The following SLC7A9 variants were observed in gnomAD, a reference collection of about 807,000 sequenced individuals.
The protein encoded by SLC7A9 is B(0,+)-type amino acid transporter 1.
A neutral mutation model predicts 54.1 loss-of-function variants in SLC7A9; 38 were observed. The ratio of observed to expected loss-of-function variants is 0.70; its 90% CI spans 0.54 to 0.92. SLC7A9 has a LOEUF of 0.92. Among genes scored for constraint, SLC7A9 ranks in the 40% least tolerant of loss-of-function variants. The pLI, the probability that SLC7A9 is intolerant of heterozygous loss-of-function variation, is 0.00. For missense variants in SLC7A9, 537 were observed against 636.1 expected (o/e 0.84, Z 1.68); for synonymous variants, 264 against 258.9 (o/e 1.02, Z -0.19).
rs201997405 is a variant in SLC7A9, at chr19:32,855,697, G to A, written c.977+2743C>T. Among the ~76,000 whole-genome samples the A allele has an allele frequency of 1.3e-4, 20 of 148,832 alleles. No individual in the cohort carries two copies. The East Asian group carries it at 2.8e-3, about 21-fold the overall frequency. ...AGCCTGGGTGACAGAGCAAGACTCC[G>A]TCTCAAAAAAAAAAATAGAAAAATG... On this transcript the variant is annotated intron_variant, in intron 9 of 12. Coordinates refer to ENST00000023064, the MANE Select transcript of SLC7A9 (RefSeq NM_014270.5).
chr19:32,856,343 C>T (rs190923035), intron 9 of SLC7A9, among the ~76,000 whole-genome samples: 141 of 151,948 alleles, frequency 9.3e-4, no homozygotes, highest in Admixed American at 2.4e-3. Flanking sequence ...TACAGGCGCC[C>T]GCCACCACGC....
intron 9 of SLC7A9, among the ~76,000 whole-genome samples, chr19:32,844,764 G>C (rs1483786302): frequency 1.3e-5 from 2 of 148,390 alleles, no homozygotes; most frequent in Admixed American, 1.4e-4. Context: ...CTGGGAGGCA[G>C]AGGTTGCGGT....
rs1968732003 is a variant in SLC7A9 at position 32,859,568 on chromosome 19, A to AT, written c.873+272_873+273insA. Among the ~76,000 whole-genome samples, 3 of 152,140 alleles carry AT rather than the reference A, an allele frequency of 2.0e-5. No individual in the cohort carries two copies. In the South Asian group the frequency reaches 6.2e-4, roughly 32 times the overall value. On this transcript the variant is annotated intron_variant, in intron 8 of 12. Coordinates refer to ENST00000023064, the MANE Select transcript of SLC7A9 (RefSeq NM_014270.5). ...AAAAGTAATTGCCAGTTTTGCCAAA[A>AT]ATATATATATTTTTTAATATATAAT...
At chr19:32,853,935 A>C (rs1938740318) in intron 9 of SLC7A9, among the ~76,000 whole-genome samples, 2 of 140,282 alleles carry the variant, frequency 1.4e-5, no homozygotes, top group Admixed American at 7.1e-5. Context: ...AAAAAAAAAA[A>C]CACCAACAAA....
intron 10 of SLC7A9, 90 bp downstream of exon 10, chr19:32,843,765 T>C: frequency 1.1e-6 from 1 of 877,064 alleles, no homozygotes; most frequent in South Asian, 1.4e-5. Flanking sequence ...AATAAGGGCA[T>C]CTGGGTCATT....
chr19:32,844,880 A>AAAAAAAAAAAAC (rs1968239348), intron 9 of SLC7A9, among the ~76,000 whole-genome samples: 1 of 148,552 alleles, frequency 6.7e-6, no homozygotes, highest in Admixed American at 6.7e-5. Context: ...AAAAAAAAAA[A>AAAAAAAAAAAAC]AAAGCCAGAT....
intron 8 of SLC7A9, among the ~76,000 whole-genome samples, chr19:32,859,435 C>A (rs528971307): frequency 6.6e-6 from 1 of 152,236 alleles, no homozygotes; most frequent in African/African-American, 2.4e-5. Flanking sequence ...AAATCCCCAA[C>A]ACGTGGTTGT....
chr19:32,854,143 G>T (rs377163875), intron 9 of SLC7A9, among the ~76,000 whole-genome samples: 93 of 152,002 alleles, frequency 6.1e-4, no homozygotes, highest in African/African-American at 2.2e-3. Context: ...CTCCTGAGTA[G>T]CTGGGACCAC....
chr19:32,849,448 C>T (rs1462557172), intron 9 of SLC7A9, among the ~76,000 whole-genome samples: 2 of 152,006 alleles, frequency 1.3e-5, no homozygotes, highest in African/African-American at 4.8e-5. Flanking sequence ...GGATAAATTC[C>T]TGGACACATA....
intron 9 of SLC7A9, among the ~76,000 whole-genome samples, chr19:32,846,636 T>TA (rs1454754721): frequency 6.6e-6 from 1 of 152,148 alleles, no homozygotes; most frequent in Non-Finnish European, 1.5e-5. Flanking sequence ...TCTGCAGACT[T>TA]AAATGTCCCT....
In SLC7A9 at chr19:32,868,451, C is replaced by A. The variant is rs769969466; in HGVS notation, c.84G>T (p.Lys28Asn). 1.2e-6 allele frequency: 2 copies of A among 1,613,838 alleles called. No individual in the cohort carries two copies. The change falls in exon 2 of 13, where the codon AAG (lysine) becomes AAT (asparagine). Residue 28 changes from lysine (K) to asparagine (N), a missense_variant. By Grantham distance (94) the Lys-to-Asn change is moderately conservative (BLOSUM62 0). Coordinates refer to ENST00000023064, the MANE Select transcript of SLC7A9 (RefSeq NM_014270.5). ...GCCCCACCAGAGACCGCCTTACCTC[C>A]TTTTGGAGACTGGTGGTCTTAGGCT... Reference protein sequence around the residue: ...SQEPKTTSLQKELGLISGISI... With the variant: ...SQEPKTTSLQNELGLISGISI...
At chr19:32,836,563 T>A (rs1296786119) in intron 11 of SLC7A9, among the ~76,000 whole-genome samples, 1 of 152,182 alleles carries the variant, frequency 6.6e-6, no homozygotes, top group African/African-American at 2.4e-5. Context: ...AGGTCCCATT[T>A]GCAACTGAAA....
intron 9 of SLC7A9, among the ~76,000 whole-genome samples, chr19:32,854,731 G>T (rs1968568196): frequency 6.6e-6 from 1 of 152,104 alleles, no homozygotes; most frequent in Non-Finnish European, 1.5e-5. Context: ...GGAATTACAG[G>T]CATCTGCCAC....
chr19:32,868,712 G>A (rs995169313), intron 1 of SLC7A9, 67 bp from the exon 2 acceptor site: 36 of 672,864 alleles, frequency 5.4e-5, no homozygotes, highest in Middle Eastern at 2.4e-4. Flanking sequence ...GGGCTCATGC[G>A]CTGGGCCCCA....
chr19:32,853,419 G>A (rs1968526830), intron 9 of SLC7A9, among the ~76,000 whole-genome samples: 1 of 152,082 alleles, frequency 6.6e-6, no homozygotes, highest in South Asian at 2.1e-4. Context: ...AATTACAAAG[G>A]GTGAGTTTTA....
rs751935027 is a variant in SLC7A9 at position 32,858,530 on chromosome 19, C to T, written c.887G>A (p.Arg296His). Residue 296 changes from arginine (R) to histidine (H), a missense_variant, in exon 9 of 13, where the codon CGT becomes CAT. Arg to His is a conservative substitution (Grantham distance 29). Transcript: ENST00000023064. ...GATCCAAGAAGCAGGATAGAGAACA[C>T]GGTCACCAAATGTCTGGTGAGAGAA... ...SQAVAVTFGD[R>H]VLYPASWIVP... 1.6e-5 allele frequency: 25 copies of T among 1,611,890 alleles called. No individual in the cohort carries two copies. The highest frequency in any genetic ancestry group is 5.3e-5 in the African/African-American group (4 of 74,874).
Position 32,844,857 on chromosome 19 carries a change from C to CAAAAAAAAAAAAAAAA in SLC7A9, c.978-922_978-907dup, listed in dbSNP as rs386388892. On this transcript the variant is annotated intron_variant, in intron 9 of 12. Coordinates refer to ENST00000023064, the MANE Select transcript of SLC7A9 (RefSeq NM_014270.5). Reference sequence around the variant, plus strand: ...TGGACGACAGAGTGAGAATCCATCTCAAAAAAAAAAAAAAAAAAAAAAAAA... The same window carrying CAAAAAAAAAAAAAAAA: ...TGGACGACAGAGTGAGAATCCATCTCAAAAAAAAAAAAAAAAAAAAAAAAAAAAAAAAAAAAAAAAA... 4.0e-4 allele frequency among the ~76,000 whole-genome samples: 12 copies of CAAAAAAAAAAAAAAAA among 30,314 alleles called. 4 individuals carry two copies. Among genetic ancestry groups the CAAAAAAAAAAAAAAAA allele is most frequent in the Admixed American group, 7.0e-4 (1 of 1,420 alleles). The allele number at this position is 30,314 out of a possible 152,430, so 19.9% of individuals were successfully genotyped here. A position where few individuals can be genotyped will look rare whatever the true frequency, so the allele number is the denominator to read the frequency against.
chr19:32,860,657 A>G lies in SLC7A9; in HGVS notation c.705-7T>C, dbSNP rs1968774151. 1.9e-6 allele frequency: 3 copies of G among 1,614,152 alleles called. No homozygotes were observed. In the East Asian group the frequency reaches 6.7e-5, roughly 36 times the overall value. On this transcript the variant is annotated splice_region_variant and splice_polypyrimidine_tract_variant and intron_variant, in intron 6 of 12. Coordinates refer to ENST00000023064, the MANE Select transcript of SLC7A9 (RefSeq NM_014270.5). ...GATGTAATTGAGTTGATTCCTGGAAAAAGGAAAGTAACAAGCGTCACACAC... is the reference window on the plus strand; with the variant it reads ...GATGTAATTGAGTTGATTCCTGGAAGAAGGAAAGTAACAAGCGTCACACAC...
At chr19:32,861,721 G>A (rs1014774311) in intron 6 of SLC7A9, among the ~76,000 whole-genome samples, 27 of 151,986 alleles carry the variant, frequency 1.8e-4, no homozygotes, top group African/African-American at 6.3e-4. Flanking sequence ...AGGCTGAGGC[G>A]GGAAGCTGAC....
Sources: gnomAD v4.1 joint callset for allele counts (sites outside exome capture counted in the v4.1 genomes callset) on GRCh38, gnomAD v4.1.1 for gene constraint, MANE v1.5 for transcripts, NCBI Gene and HGNC (gene_info 2026-07-23, HGNC 2026-07-21) for gene names.